The following GRM5 variants were observed in gnomAD, a reference collection of about 807,000 sequenced individuals.
The protein encoded by GRM5 is glutamate metabotropic receptor 5.
GRM5 carries 19 observed loss-of-function variants against 83.1 expected under a neutral mutation model. That is an observed-to-expected ratio of 0.23 (90% CI 0.16 to 0.34). GRM5 has a LOEUF of 0.34. GRM5 is among the 10% of genes least tolerant of loss of function. The pLI is 1.00. For synonymous variants in GRM5, 675 were observed against 633.6 expected (o/e 1.07, Z -0.98); for missense variants, 1,160 against 1,588.3 (o/e 0.73, Z 4.58).
intron 3 of GRM5, among the ~76,000 whole-genome samples, chr11:88,829,237 G>A (rs1440981452): frequency 6.6e-6 from 1 of 152,200 alleles, no homozygotes; most frequent in African/African-American, 2.4e-5. Flanking sequence ...AAGGCAGGCA[G>A]ATCATTTGAG....
At chr11:88,572,074 G>A (rs1453962655) in intron 7 of GRM5, among the ~76,000 whole-genome samples, 1 of 152,196 alleles carries the variant, frequency 6.6e-6, no homozygotes, top group African/African-American at 2.4e-5. Context: ...AGGAAGCAAA[G>A]GGTCACATTT....
intron 3 of GRM5, among the ~76,000 whole-genome samples, chr11:88,784,211 A>AT (rs1357975611): frequency 6.6e-6 from 1 of 152,088 alleles, no homozygotes; most frequent in African/African-American, 2.4e-5. Flanking sequence ...CAGCAGCCTC[A>AT]TATTCTGCTG....
At chr11:88,823,265 A>G (rs1056143264) in intron 3 of GRM5, among the ~76,000 whole-genome samples, 3 of 150,848 alleles carry the variant, frequency 2.0e-5, no homozygotes, top group Admixed American at 6.6e-5. Context: ...ATTTATAATT[A>G]CATTATTTAT....
intron 3 of GRM5, among the ~76,000 whole-genome samples, chr11:88,772,643 G>A (rs574965017): frequency 8.0e-4 from 121 of 151,682 alleles, no homozygotes; most frequent in Admixed American, 1.4e-3. Flanking sequence ...TGTTCCCCGC[G>A]CTGTGTCCAA....
chr11:89,013,595 A>C (rs1473903465), intron 2 of GRM5, among the ~76,000 whole-genome samples: 1 of 152,176 alleles, frequency 6.6e-6, no homozygotes, highest in Non-Finnish European at 1.5e-5. Flanking sequence ...TTATGAGGGC[A>C]GACTTGCCCC....
At chr11:88,721,987 C>T (rs1941550732) in intron 3 of GRM5, among the ~76,000 whole-genome samples, 1 of 152,096 alleles carries the variant, frequency 6.6e-6, no homozygotes, top group Non-Finnish European at 1.5e-5. Context: ...CTAGTGATAT[C>T]TAATTTTCAC....
chr11:88,570,999 A>G (rs561747060), intron 7 of GRM5, among the ~76,000 whole-genome samples: 1 of 152,264 alleles, frequency 6.6e-6, no homozygotes, highest in South Asian at 2.1e-4. Flanking sequence ...TTACTTATAT[A>G]GGAAACGTTA....
intron 2 of GRM5, among the ~76,000 whole-genome samples, chr11:88,967,840 G>C (rs1165918853): frequency 6.6e-6 from 1 of 152,076 alleles, no homozygotes; most frequent in African/African-American, 2.4e-5. Context: ...TTCTATGGAA[G>C]ATGCACCCAA....
chr11:88,966,984 G>A (rs1938995301), intron 2 of GRM5, among the ~76,000 whole-genome samples: 1 of 152,046 alleles, frequency 6.6e-6, no homozygotes, highest in Admixed American at 6.6e-5. Flanking sequence ...CATGCAGCTA[G>A]GCCAAGAGAA....
intron 2 of GRM5, among the ~76,000 whole-genome samples, chr11:89,041,331 G>T (rs1298430131): frequency 2.6e-5 from 4 of 152,210 alleles, no homozygotes; most frequent in Non-Finnish European, 5.9e-5. Flanking sequence ...TTTTAACTCA[G>T]CTTAGTCATC....
intron 3 of GRM5, among the ~76,000 whole-genome samples, chr11:88,822,492 C>T (rs569966784): frequency 6.6e-6 from 1 of 152,236 alleles, no homozygotes; most frequent in African/African-American, 2.4e-5. Flanking sequence ...TAGGAATTAG[C>T]TGAGCTAAAA....
intron 3 of GRM5, among the ~76,000 whole-genome samples, chr11:88,782,864 CTATA>C (rs1158210659): frequency 6.6e-6 from 1 of 152,078 alleles, no homozygotes; most frequent in African/African-American, 2.4e-5. Flanking sequence ...GGACCACTCA[CTATA>C]TATGCCAAGC....
chr11:88,933,285 A>T (rs1590975539), intron 2 of GRM5, among the ~76,000 whole-genome samples: 2 of 147,866 alleles, frequency 1.4e-5, no homozygotes, highest in Admixed American at 1.4e-4. Flanking sequence ...CTAAGTGCAG[A>T]GTTCATAATT....
chr11:88,744,169 T>G (rs6483415), intron 3 of GRM5, among the ~76,000 whole-genome samples: 95,729 of 151,680 alleles, frequency 0.63, 30,868 homozygotes, highest in South Asian at 0.86. Context: ...GCGTCTTCTT[T>G]CAGTGGAAAG....
At position 88,988,784 on chromosome 11, in the gene GRM5, A is replaced by G. The variant is rs1427207852; in HGVS notation, c.661+58428T>C. On this transcript the variant is annotated intron_variant, in intron 2 of 9. Transcript: ENST00000305447. ...TAAGCTTCATAAGTGAAGGAGAAAT[A>G]AAATCCTTTACAGACAAGCAAATGC... 1.6e-4 allele frequency among the ~76,000 whole-genome samples: 24 copies of G among 147,944 alleles called. No individual in the cohort carries two copies. In the South Asian group the frequency reaches 5.3e-3, roughly 33 times the overall value.
intron 2 of GRM5, among the ~76,000 whole-genome samples, chr11:88,903,915 T>G (rs1945360561): frequency 6.6e-6 from 1 of 152,136 alleles, no homozygotes; most frequent in Non-Finnish European, 1.5e-5. Context: ...TGTGACAGAT[T>G]TTTAGGGATT....
chr11:88,916,937 G>A (rs969278672), intron 2 of GRM5, among the ~76,000 whole-genome samples: 7 of 152,108 alleles, frequency 4.6e-5, no homozygotes, highest in Admixed American at 2.6e-4. Flanking sequence ...GAAAGACCTA[G>A]GCGTGGCAGG....
chr11:88,678,911 T>A lies in GRM5; in HGVS notation c.912-25508A>T, dbSNP rs546080940. Among the ~76,000 whole-genome samples the A allele has an allele frequency of 4.6e-3, 674 of 146,208 alleles. 7 individuals carry two copies. The highest frequency in any genetic ancestry group is 0.031 in the South Asian group (143 of 4,654). ...GTGGTAAAAAGAAGCTTGACTCATT[T>A]AAAAAAAAAAAGTGAAAGAAGGCCA... On this transcript the variant is annotated intron_variant, in intron 3 of 9. Coordinates refer to ENST00000305447, the MANE Select transcript of GRM5 (RefSeq NM_001143831.3).
At chr11:88,565,198 T>C (rs1942849630) in intron 8 of GRM5, among the ~76,000 whole-genome samples, 1 of 152,254 alleles carries the variant, frequency 6.6e-6, no homozygotes, top group African/African-American at 2.4e-5. Context: ...TAAGTGATGC[T>C]GCCAGTATTT....
Sources: gnomAD v4.1 joint callset for allele counts (sites outside exome capture counted in the v4.1 genomes callset) on GRCh38, gnomAD v4.1.1 for gene constraint, MANE v1.5 for transcripts, NCBI Gene and HGNC (gene_info 2026-07-23, HGNC 2026-07-21) for gene names.